KCND2: variants seen among roughly 807,000 people sequenced by gnomAD.
KCND2 encodes the protein potassium voltage-gated channel subfamily D member 2, also known as A-type voltage-gated potassium channel KCND2.
Under a neutral mutation model 54.4 loss-of-function variants are expected in KCND2, and 16 were observed. The ratio of observed to expected loss-of-function variants is 0.29; its 90% CI spans 0.20 to 0.45. The LOEUF (loss-of-function observed/expected upper bound fraction) is 0.45. Ranked by LOEUF, KCND2 falls within the 20% of genes least tolerant of loss-of-function variation. The pLI is 1.00. For missense variants in KCND2, 486 were observed against 824.2 expected (o/e 0.59, Z 5.02); for synonymous variants, 317 against 310.7 (o/e 1.02, Z -0.21).
chr7:120,274,577 T>C lies in KCND2; in HGVS notation c.-56T>C. The C allele has an allele frequency of 6.2e-7, 1 of 1,610,576 alleles. No homozygotes were observed. The highest frequency in any genetic ancestry group is 8.5e-7 in the Non-Finnish European group (1 of 1,177,056). On this transcript the variant is annotated 5_prime_UTR_variant, in exon 1 of 6. Transcript: ENST00000331113. ...GAGGAAGTGGGTGACTTTTGGCTGC[T>C]TCGGTGACCCATTGTAGACGCCTCG...
chr7:120,437,651 A>G (rs1790944675), intron 1 of KCND2, among the ~76,000 whole-genome samples: 1 of 152,190 alleles, frequency 6.6e-6, no homozygotes, highest in African/African-American at 2.4e-5. Flanking sequence ...AAATTAATTA[A>G]ACCTATGCTA....
intron 1 of KCND2, among the ~76,000 whole-genome samples, chr7:120,340,564 A>T (rs901094638): frequency 6.6e-6 from 1 of 152,212 alleles, no homozygotes; most frequent in African/African-American, 2.4e-5. Context: ...GTTAGAAGAG[A>T]ACAATTAGTG....
In KCND2 at chr7:120,685,477, C is replaced by T. The variant is rs974848694; in HGVS notation, c.1116-47426C>T. On this transcript the variant is annotated intron_variant, in intron 1 of 5. Transcript: ENST00000331113. ...AACTAGGAGGTTGATATGTTGATAT[C>T]GGATGCTGCAGTGTCAGTGGCAAAA... is the stretch of plus-strand genomic sequence containing the variant. 9.2e-5 allele frequency among the ~76,000 whole-genome samples: 14 copies of T among 152,164 alleles called. No homozygotes were observed. The East Asian group carries it at 2.5e-3, about 27-fold the overall frequency.
intron 1 of KCND2, among the ~76,000 whole-genome samples, chr7:120,587,992 T>C (rs1465785389): frequency 6.6e-6 from 1 of 152,196 alleles, no homozygotes. Context: ...TATATTCATG[T>C]TCATTTGTAA....
intron 1 of KCND2, among the ~76,000 whole-genome samples, chr7:120,635,357 T>C (rs997164494): frequency 3.3e-5 from 5 of 152,340 alleles, no homozygotes; most frequent in African/African-American, 1.2e-4. Context: ...GACTGCAACA[T>C]TGGCTGTGGG....
chr7:120,281,429 A>G (rs1308632002), intron 1 of KCND2, among the ~76,000 whole-genome samples: 4 of 950 alleles, frequency 4.2e-3, no homozygotes, highest in Non-Finnish European at 0.17. Flanking sequence ...CTGATATTGA[A>G]AAAAAAAAAA....
intron 1 of KCND2, among the ~76,000 whole-genome samples, chr7:120,288,054 A>C (rs1377746643): frequency 6.6e-6 from 1 of 152,156 alleles, no homozygotes; most frequent in Non-Finnish European, 1.5e-5. Context: ...AACTGGACTA[A>C]AGAAAATACA....
intron 1 of KCND2, among the ~76,000 whole-genome samples, chr7:120,718,558 C>T (rs1004243620): frequency 5.3e-5 from 8 of 152,058 alleles, no homozygotes; most frequent in South Asian, 2.1e-4. Flanking sequence ...AAAGTAAAGT[C>T]GAGTAGCTGT....
intron 1 of KCND2, among the ~76,000 whole-genome samples, chr7:120,675,462 C>T (rs1189670864): frequency 6.6e-6 from 1 of 151,830 alleles, no homozygotes; most frequent in African/African-American, 2.4e-5. Flanking sequence ...TGGTCTCAAA[C>T]TCCTGGCCTC....
At chr7:120,603,305 A>G (rs1792837637) in intron 1 of KCND2, among the ~76,000 whole-genome samples, 1 of 152,160 alleles carries the variant, frequency 6.6e-6, no homozygotes. Flanking sequence ...TAGCTTCTCG[A>G]CCTGGATAGA....
chr7:120,472,478 A>G (rs914120988), intron 1 of KCND2, among the ~76,000 whole-genome samples: 2 of 152,120 alleles, frequency 1.3e-5, no homozygotes, highest in Non-Finnish European at 2.9e-5. Flanking sequence ...TCAGCTTGCT[A>G]TCATGGGCAA....
intron 1 of KCND2, among the ~76,000 whole-genome samples, chr7:120,451,715 G>A (rs147484334): frequency 2.7e-4 from 41 of 152,224 alleles, no homozygotes; most frequent in East Asian, 1.9e-3. Flanking sequence ...ATCAATTGCC[G>A]CACAATCACT....
chr7:120,532,282 A>C (rs889340841), intron 1 of KCND2, among the ~76,000 whole-genome samples: 1 of 152,052 alleles, frequency 6.6e-6, no homozygotes, highest in Non-Finnish European at 1.5e-5. Context: ...AGAGAAATCA[A>C]ACAAATAAAT....
intron 1 of KCND2, among the ~76,000 whole-genome samples, chr7:120,379,197 T>C (rs562255974): frequency 1.3e-5 from 2 of 152,158 alleles, no homozygotes; most frequent in African/African-American, 4.8e-5. Flanking sequence ...CTTGATATTA[T>C]AGTTAAGGTG....
intron 1 of KCND2, among the ~76,000 whole-genome samples, chr7:120,663,278 T>G (rs926111702): frequency 6.6e-6 from 1 of 152,162 alleles, no homozygotes; most frequent in Non-Finnish European, 1.5e-5. Flanking sequence ...TGAGATTAGT[T>G]TATGATCAGT....
intron 1 of KCND2, among the ~76,000 whole-genome samples, chr7:120,434,924 A>G (rs1175128160): frequency 6.6e-6 from 1 of 152,096 alleles, no homozygotes; most frequent in East Asian, 1.9e-4. Context: ...CAGAGGACAC[A>G]TTGTCTTCTA....
intron 1 of KCND2, among the ~76,000 whole-genome samples, chr7:120,668,453 C>A (rs1791953884): frequency 6.6e-6 from 1 of 152,000 alleles, no homozygotes; most frequent in Non-Finnish European, 1.5e-5. Context: ...AAATAATTAT[C>A]CCTGCATTAA....
intron 1 of KCND2, among the ~76,000 whole-genome samples, chr7:120,617,107 G>A (rs545076811): frequency 1.1e-3 from 163 of 152,188 alleles, no homozygotes; most frequent in African/African-American, 3.6e-3. Context: ...TAGGTGTGCC[G>A]CATGGGTAAT....
chr7:120,677,355 C>G (rs1450183746), intron 1 of KCND2, among the ~76,000 whole-genome samples: 1 of 151,940 alleles, frequency 6.6e-6, no homozygotes, highest in South Asian at 2.1e-4. Flanking sequence ...AACCAAGAAA[C>G]TGATGATGAG....
Sources: gnomAD v4.1 joint callset for allele counts (sites outside exome capture counted in the v4.1 genomes callset) on GRCh38, gnomAD v4.1.1 for gene constraint, MANE v1.5 for transcripts, NCBI Gene and HGNC (gene_info 2026-07-23, HGNC 2026-07-21) for gene names.